TPRG1: variants seen among roughly 807,000 people sequenced by gnomAD.
TPRG1 encodes tumor protein p63 regulated 1, also known as tumor protein p63-regulated gene 1 protein.
A neutral mutation model predicts 29.3 loss-of-function variants in TPRG1; 29 were observed. The observed-to-expected ratio is 0.99, with a 90% CI of 0.74 to 1.35. TPRG1 has a LOEUF of 1.35. Among genes scored for constraint, TPRG1 ranks in the 40% most tolerant of loss-of-function variants. TPRG1 has a pLI of 0.00. For missense variants in TPRG1, 327 were observed against 335.0 expected (o/e 0.98, Z 0.19); for synonymous variants, 130 against 116.8 (o/e 1.11, Z -0.73).
chr3:188,998,298 G>C (rs1178315703), intron 1 of TPRG1, among the ~76,000 whole-genome samples: 1 of 152,206 alleles, frequency 6.6e-6, no homozygotes, highest in East Asian at 1.9e-4. Context: ...CTGTAGCTTA[G>C]AAATATGAGA....
At chr3:189,132,456 G>A (rs1300037380) in exon 3 of TPRG1, 1 of 152,212 alleles carries the variant, frequency 6.6e-6, no homozygotes, top group Non-Finnish European at 1.5e-5. Flanking sequence ...TGATGAGGGA[G>A]AGAGAGAAAG....
intron 1 of TPRG1, among the ~76,000 whole-genome samples, chr3:189,103,813 T>C (rs1719491302): frequency 6.6e-6 from 1 of 152,174 alleles, no homozygotes; most frequent in Non-Finnish European, 1.5e-5. Flanking sequence ...CTGTTTCTCA[T>C]CATGTCAGCT....
chr3:189,109,386 T>A (rs756092771), intron 1 of TPRG1, among the ~76,000 whole-genome samples: 22 of 152,154 alleles, frequency 1.4e-4, no homozygotes, highest in Non-Finnish European at 2.6e-4. Context: ...CCAGATGTAA[T>A]CGCTCATATG....
intron 5 of TPRG1, among the ~76,000 whole-genome samples, chr3:189,152,757 GTAGGATTGCTA>G (rs1345151607): frequency 4.2e-4 from 63 of 151,546 alleles, no homozygotes; most frequent in Non-Finnish European, 7.7e-4. Context: ...TTATTAAAAA[GTAGGATTGCTA>G]CCCTCCATTA....
intron 3 of TPRG1, among the ~76,000 whole-genome samples, chr3:189,009,437 G>T (rs143696602): frequency 7.3e-4 from 111 of 152,140 alleles, no homozygotes; most frequent in African/African-American, 2.5e-3. Context: ...TGCTAGTTAG[G>T]GAAGGCAGAT....
At chr3:189,117,381 A>T (rs1258550398) in intron 1 of TPRG1, among the ~76,000 whole-genome samples, 2 of 152,188 alleles carry the variant, frequency 1.3e-5, no homozygotes, top group Non-Finnish European at 2.9e-5. Context: ...TTCTCATTGT[A>T]GGGAGTTTAT....
intron 2 of TPRG1, among the ~76,000 whole-genome samples, chr3:189,131,602 C>T (rs1045586054): frequency 1.3e-5 from 2 of 152,152 alleles, no homozygotes; most frequent in Admixed American, 6.5e-5. Context: ...AGTCAATAAA[C>T]GAATCCCCCA....
chr3:189,157,076 G>T (rs967615460), intron 5 of TPRG1, among the ~76,000 whole-genome samples: 1 of 152,200 alleles, frequency 6.6e-6, no homozygotes, highest in African/African-American at 2.4e-5. Context: ...TTCACCTGCT[G>T]TCACTCTCTC....
intron 1 of TPRG1, among the ~76,000 whole-genome samples, chr3:189,202,118 A>G (rs1733597232): frequency 6.6e-6 from 1 of 152,188 alleles, no homozygotes; most frequent in African/African-American, 2.4e-5. Context: ...CTCTCAGGGT[A>G]GTTATTCATC....
chr3:189,309,865 A>G (rs577431474), intron 4 of TPRG1: 1 of 152,514 alleles, frequency 6.6e-6, no homozygotes, highest in African/African-American at 2.4e-5. Context: ...ATAGAGGACA[A>G]TGAGATTCAG....
At chr3:189,020,071 TG>T (rs1713208593) in intron 3 of TPRG1, among the ~76,000 whole-genome samples, 1 of 152,176 alleles carries the variant, frequency 6.6e-6, no homozygotes, top group Non-Finnish European at 1.5e-5. Flanking sequence ...GTGGGATCGG[TG>T]GTGATACCCC....
intron 1 of TPRG1, among the ~76,000 whole-genome samples, chr3:189,119,778 A>G (rs945560104): frequency 1.3e-5 from 2 of 152,206 alleles, no homozygotes; most frequent in Non-Finnish European, 2.9e-5. Flanking sequence ...CTCCCCAGCC[A>G]TGCTGAACTG....
At chr3:189,077,016 A>G (rs1187792598) in intron 4 of TPRG1, among the ~76,000 whole-genome samples, 1 of 152,066 alleles carries the variant, frequency 6.6e-6, no homozygotes, top group East Asian at 1.9e-4. Context: ...GGCTAAAATC[A>G]AGAAGACAGA....
chr3:189,295,913 TA>T (rs55666008), intron 4 of TPRG1, among the ~76,000 whole-genome samples: 17 of 97,224 alleles, frequency 1.7e-4, no homozygotes, highest in Admixed American at 2.7e-4. Flanking sequence ...AATGATGCTT[TA>T]AAAAAAAAAA....
At position 189,324,115 on chromosome 3, in the gene TPRG1, C is replaced by G. The variant is rs762611772; in HGVS notation, c.*3295C>G. 1 of 152,262 alleles carries G rather than the reference C, an allele frequency of 6.6e-6. No individual in the cohort carries two copies. The highest frequency in any genetic ancestry group is 2.1e-4 in the South Asian group (1 of 4,818). 9.4% of individuals were successfully genotyped at this position (152,262 alleles called of 1,614,324 possible). A position where few individuals can be genotyped will look rare whatever the true frequency, so the allele number is the denominator to read the frequency against. ...ATCTAAGGCAGAAAAGAGAAGCTCA[C>G]TTATAAGTTGGCACTTCTGAATCAT... On this transcript the variant is annotated 3_prime_UTR_variant, in exon 6 of 6. Coordinates refer to ENST00000345063, the MANE Select transcript of TPRG1 (RefSeq NM_198485.4).
chr3:189,017,719 A>T (rs1713027685), intron 3 of TPRG1, among the ~76,000 whole-genome samples: 1 of 152,158 alleles, frequency 6.6e-6, no homozygotes, highest in East Asian at 1.9e-4. Context: ...TAGCAGCATG[A>T]TTTATAGTCA....
chr3:189,287,477 A>G (rs1718260981), intron 4 of TPRG1, among the ~76,000 whole-genome samples: 1 of 150,698 alleles, frequency 6.6e-6, no homozygotes, highest in Admixed American at 6.6e-5. Flanking sequence ...GGCTCACTGC[A>G]AGCTCCGCCT....
At chr3:189,122,448 T>C (rs998863380) in intron 1 of TPRG1, among the ~76,000 whole-genome samples, 16 of 152,232 alleles carry the variant, frequency 1.1e-4, no homozygotes, top group African/African-American at 3.9e-4. Context: ...GGACAAAGTA[T>C]TTTAGAAAAG....
intron 4 of TPRG1, among the ~76,000 whole-genome samples, chr3:189,258,095 A>G (rs1336322084): frequency 6.6e-6 from 1 of 151,448 alleles, no homozygotes; most frequent in Non-Finnish European, 1.5e-5. Context: ...GGTTTTTGAA[A>G]TTTTCAGCCT....
Sources: gnomAD v4.1 joint callset for allele counts (sites outside exome capture counted in the v4.1 genomes callset) on GRCh38, gnomAD v4.1.1 for gene constraint, MANE v1.5 for transcripts, NCBI Gene and HGNC (gene_info 2026-07-23, HGNC 2026-07-21) for gene names.